Variants in ARG2 observed in about 807,000 individuals in gnomAD.
ARG2 encodes the protein arginase 2.
Under a neutral mutation model 39.4 loss-of-function variants are expected in ARG2, and 21 were observed. The observed-to-expected ratio is 0.53, with a 90% CI of 0.38 to 0.77. The LOEUF (loss-of-function observed/expected upper bound fraction) is 0.77. Among genes scored for constraint, ARG2 ranks in the 30% least tolerant of loss-of-function variants. The probability of loss-of-function intolerance (pLI) is 0.00; values close to 1 mark genes in which losing one functional copy is unlikely to be tolerated. For synonymous variants in ARG2, 150 were observed against 156.7 expected (o/e 0.96, Z 0.32); for missense variants, 378 against 426.2 (o/e 0.89, Z 1.00).
At chr14:67,634,153 C>T (rs960513623) in intron 2 of ARG2, among the ~76,000 whole-genome samples, 1 of 152,182 alleles carries the variant, frequency 6.6e-6, no homozygotes, top group Non-Finnish European at 1.5e-5. Context: ...TCATTCACAT[C>T]ACAACCCTTG....
chr14:67,636,822 T>C (rs184451221), intron 2 of ARG2, among the ~76,000 whole-genome samples: 8 of 152,314 alleles, frequency 5.3e-5, no homozygotes, highest in South Asian at 2.1e-4. Context: ...TCCAAATCTA[T>C]TTGACATGAG....
intron 2 of ARG2, 93 bp from the exon 3 acceptor site, chr14:67,642,093 G>A: frequency 8.3e-7 from 1 of 1,209,254 alleles, no homozygotes; most frequent in Non-Finnish European, 1.2e-6. Context: ...ATTATGATGT[G>A]TACTTTGTCA....
At chr14:67,639,045 TA>T (rs78956165) in intron 2 of ARG2, among the ~76,000 whole-genome samples, 10,401 of 152,270 alleles carry the variant, frequency 0.068, 1,012 homozygotes, top group African/African-American at 0.21. Context: ...CAGAAGTTAG[TA>T]ACCCTTCTAG....
At position 67,645,682 on chromosome 14, in the gene ARG2, C is replaced by G; in HGVS notation, c.402C>G (p.Cys134Trp). 4 of 1,613,992 alleles carry G rather than the reference C, an allele frequency of 2.5e-6. No homozygotes were observed. The highest frequency in any genetic ancestry group is 3.4e-6 in the Non-Finnish European group (4 of 1,179,944). The change falls in exon 4 of 8, where the codon TGC (cysteine) becomes TGG (tryptophan). Residue 134 changes from cysteine to tryptophan, a missense_variant. Physicochemically the swap from Cys to Trp is radical, Grantham distance 215 (BLOSUM62 -2). Coordinates refer to ENST00000261783, the MANE Select transcript of ARG2 (RefSeq NM_001172.4). ...IGTISGHARH[C>W]PDLCVVWVDA... ...CCATTAGTGGCCATGCCCGACACTG[C>G]CCAGACCTTTGTGTTGTCTGGGTTG... is the stretch of plus-strand genomic sequence containing the variant.
At chr14:67,645,177 CTTTT>C (rs879488836) in intron 3 of ARG2, among the ~76,000 whole-genome samples, 2 of 143,536 alleles carry the variant, frequency 1.4e-5, no homozygotes, top group African/African-American at 2.6e-5. Flanking sequence ...ACCTAGATTT[CTTTT>C]TTTTTTTTCA....
chr14:67,631,763 G>A (rs1350304023), intron 2 of ARG2, among the ~76,000 whole-genome samples: 1 of 151,982 alleles, frequency 6.6e-6, no homozygotes, highest in Non-Finnish European at 1.5e-5. Context: ...CTTCTTACAT[G>A]TCAGTGTTCT....
At chr14:67,635,508 G>A (rs182961834) in intron 2 of ARG2, among the ~76,000 whole-genome samples, 1 of 152,300 alleles carries the variant, frequency 6.6e-6, no homozygotes, top group Admixed American at 6.5e-5. Flanking sequence ...TAATAAGCTA[G>A]TATTTCAAGT....
At position 67,646,974 on chromosome 14, in the gene ARG2, G is replaced by A. The variant is rs747904249; in HGVS notation, c.671G>A (p.Arg224Gln). 3.7e-6 allele frequency: 6 copies of A among 1,612,802 alleles called. No individual in the cohort carries two copies. The African/African-American group carries it at 4.0e-5, about 11-fold the overall frequency. The change falls in exon 6 of 8, where the codon CGA becomes CAA. Residue 224 changes from arginine to glutamine, a missense_variant. Coordinates refer to ENST00000261783, the MANE Select transcript of ARG2 (RefSeq NM_001172.4). ...IQYFSMRDID[R>Q]LGIQKVMERT... ...TATTTTTCCATGAGAGATATTGATC[G>A]ACTTGGTATCCAGAAGGTCATGGAA...
chr14:67,642,126 C>A, intron 2 of ARG2, 60 bp from the exon 3 acceptor site: 2 of 1,509,102 alleles, frequency 1.3e-6, no homozygotes, highest in Non-Finnish European at 1.8e-6. Context: ...GTGGCCCAGG[C>A]TAGTTAAGAG....
At chr14:67,649,537 TTGA>T (rs757581690) in intron 7 of ARG2, 1 of 152,104 alleles carries the variant, frequency 6.6e-6, no homozygotes, top group Non-Finnish European at 1.5e-5. Flanking sequence ...AGTGCAAACT[TTGA>T]TGACCACTTC....
chr14:67,640,896 C>CCTA (rs1355908785), intron 2 of ARG2, among the ~76,000 whole-genome samples: 31 of 152,266 alleles, frequency 2.0e-4, no homozygotes, highest in South Asian at 1.0e-3. Context: ...GTCCCTAATC[C>CCTA]AGAAATCCAA....
intron 2 of ARG2, among the ~76,000 whole-genome samples, chr14:67,641,877 A>C (rs1437811262): frequency 2.0e-5 from 3 of 152,146 alleles, no homozygotes; most frequent in African/African-American, 7.2e-5. Flanking sequence ...ATTTTCTTTA[A>C]GATTGTTGGT....
At chr14:67,644,705 TC>T (rs1204417939) in intron 3 of ARG2, among the ~76,000 whole-genome samples, 3 of 152,034 alleles carry the variant, frequency 2.0e-5, no homozygotes, top group Non-Finnish European at 2.9e-5. Context: ...CACTTTAAGA[TC>T]TTATATTTGA....
chr14:67,637,654 A>C (rs1340892765), intron 2 of ARG2, among the ~76,000 whole-genome samples: 2 of 152,164 alleles, frequency 1.3e-5, no homozygotes, highest in Non-Finnish European at 2.9e-5. Flanking sequence ...AGTGGGCATT[A>C]GAGGAGAAAG....
At position 67,651,404 on chromosome 14, in the gene ARG2, T is replaced by C. The variant is rs769799041; in HGVS notation, c.*484T>C. ...AGAAGTTCAATGGCTGCGAAAGAAT[T>C]TGTAGTAAACCAGGCCTCCCAGGAT... On this transcript the variant is annotated 3_prime_UTR_variant, in exon 8 of 8. Transcript: ENST00000261783. 3.7e-6 allele frequency: 6 copies of C among 1,613,834 alleles called. No homozygotes were observed. Among genetic ancestry groups the C allele is most frequent in the South Asian group, 1.1e-5 (1 of 91,088 alleles).
intron 6 of ARG2, 144 bp from the exon 7 acceptor site, chr14:67,647,903 T>C: frequency 1.2e-6 from 1 of 801,672 alleles, no homozygotes. Flanking sequence ...ATAGGAAGCC[T>C]GGAAATGTAT....
rs936966363 is a variant in ARG2, at chr14:67,623,573, C to T, written c.184+2607C>T. Among the ~76,000 whole-genome samples the T allele has an allele frequency of 9.3e-5, 11 of 117,652 alleles. No individual in the cohort carries two copies. The East Asian group carries it at 1.6e-3, about 17-fold the overall frequency. The allele number at this position is 117,652 out of a possible 152,430, so 77.2% of individuals were successfully genotyped here. On this transcript the variant is annotated intron_variant, in intron 2 of 7. Transcript: ENST00000261783. ...TTTTTTTTTTTTTGAGACGGAGTCT[C>T]GCTCTGTCACCAGGCTGGAGTACAG... is the stretch of plus-strand genomic sequence containing the variant.
At chr14:67,635,809 G>A (rs2036966004) in intron 2 of ARG2, among the ~76,000 whole-genome samples, 2 of 152,150 alleles carry the variant, frequency 1.3e-5, no homozygotes, top group African/African-American at 2.4e-5. Context: ...CCAAGATCAC[G>A]CCACTTCACT....
At chr14:67,648,342 G>A (rs2037128396) in intron 7 of ARG2, 159 bp downstream of exon 7, 1 of 756,314 alleles carries the variant, frequency 1.3e-6, no homozygotes, top group East Asian at 2.8e-5. Flanking sequence ...TAATAAAAAG[G>A]ATATAGTCCT....
Sources: allele counts gnomAD v4.1 joint callset (sites outside exome capture counted in the v4.1 genomes callset), GRCh38; gene constraint gnomAD v4.1.1; transcripts MANE v1.5; gene names NCBI Gene and HGNC (gene_info 2026-07-23, HGNC 2026-07-21).